Variants in WNT6 observed in about 807,000 individuals in gnomAD.
WNT6 encodes protein Wnt-6.
A neutral mutation model predicts 33.1 loss-of-function variants in WNT6; 27 were observed. That is an observed-to-expected ratio of 0.82 (90% CI 0.60 to 1.12). WNT6 has a LOEUF of 1.12. WNT6 is among the 50% of genes most tolerant of loss of function. WNT6 has a pLI of 0.00. For synonymous variants in WNT6, 249 were observed against 242.8 expected (o/e 1.03, Z -0.24); for missense variants, 494 against 535.3 (o/e 0.92, Z 0.76).
intron 1 of WNT6, among the ~76,000 whole-genome samples, chr2:218,865,115 A>G (rs901426103): frequency 1.3e-5 from 2 of 152,218 alleles, no homozygotes; most frequent in Non-Finnish European, 2.9e-5. Context: ...TTCTCATCAG[A>G]AGCCAGGAGT....
At chr2:218,864,010 C>G (rs1228859985) in intron 1 of WNT6, among the ~76,000 whole-genome samples, 1 of 152,220 alleles carries the variant, frequency 6.6e-6, no homozygotes, top group Non-Finnish European at 1.5e-5. Context: ...GTCATCCAGC[C>G]TATCCTGTGG....
intron 3 of WNT6, among the ~76,000 whole-genome samples, chr2:218,872,261 G>T (rs1391267830): frequency 6.6e-6 from 1 of 152,164 alleles, no homozygotes; most frequent in Non-Finnish European, 1.5e-5. Context: ...CAAGGTCTGG[G>T]GTTTTGGTAC....
Position 218,864,672 on chromosome 2 carries a change from C to T in WNT6, c.80+4555C>T, listed in dbSNP as rs560994170. Among the ~76,000 whole-genome samples the T allele has an allele frequency of 3.9e-4, 60 of 152,308 alleles. 2 individuals carry two copies. The South Asian group carries it at 0.012, about 32-fold the overall frequency. On this transcript the variant is annotated intron_variant, in intron 1 of 3. Transcript: ENST00000233948. The stretch of plus-strand genomic sequence containing the variant: ...CCCATCCCATCTTGTCTTTCACCCA[C>T]CCCCCTCCTGGAAAAGGAAACAAGA...
At position 218,874,227 on chromosome 2, in the gene WNT6, A is replaced by C; in HGVS notation, c.*382A>C. The C allele has an allele frequency of 5.0e-6, 1 of 200,520 alleles. No individual in the cohort carries two copies. The highest frequency in any genetic ancestry group is 9.9e-6 in the Non-Finnish European group (1 of 100,972). 12.4% of individuals were successfully genotyped at this position (200,520 alleles called of 1,614,324 possible). On this transcript the variant is annotated 3_prime_UTR_variant, in exon 4 of 4. Coordinates refer to ENST00000233948, the MANE Select transcript of WNT6 (RefSeq NM_006522.4). Reference sequence around the variant, plus strand: ...GGTTAGTATCAATAAAGATATTTAAACCACCAGGGCTGGACCCACAGTTTT... The same window carrying C: ...GGTTAGTATCAATAAAGATATTTAACCCACCAGGGCTGGACCCACAGTTTT...
rs780086956 is a variant in WNT6, at chr2:218,873,482, G to A, written c.735G>A (p.Glu245=). 1 of 1,539,042 alleles carries A rather than the reference G, an allele frequency of 6.5e-7. No individual in the cohort carries two copies. Among genetic ancestry groups the A allele is most frequent in the South Asian group, 1.2e-5 (1 of 84,030 alleles). The part of the protein sequence containing the change: ...TCWQKLPPFR[E]VGARLLERFH... The stretch of plus-strand genomic sequence containing the variant: ...GGCAGAAGCTGCCTCCATTTCGCGA[G>A]GTGGGCGCGCGGCTGCTGGAGCGCT... Residue 245 remains glutamate, a synonymous_variant, in exon 4 of 4, where the codon GAG becomes GAA. Transcript: ENST00000233948. The surrounding 1 kb of genome is among the most constrained non-coding windows in gnomAD (Gnocchi z 6.1).
In WNT6 at chr2:218,868,104, T is replaced by A. The variant is rs536203087; in HGVS notation, c.81-2923T>A. ...GGTCCCTTGGGATTCTAGCTGCTAC[T>A]ACTGCCCATCCCTCCCCCTGACCAG... On this transcript the variant is annotated intron_variant, in intron 1 of 3. Coordinates refer to ENST00000233948, the MANE Select transcript of WNT6 (RefSeq NM_006522.4). Among the ~76,000 whole-genome samples, 3 of 152,190 alleles carry A rather than the reference T, an allele frequency of 2.0e-5. No homozygotes were observed. In the South Asian group the frequency reaches 6.2e-4, roughly 32 times the overall value.
intron 1 of WNT6, among the ~76,000 whole-genome samples, chr2:218,864,409 G>C (rs1944335852): frequency 6.6e-6 from 1 of 152,044 alleles, no homozygotes; most frequent in Non-Finnish European, 1.5e-5. Context: ...ACAGGTGCCT[G>C]GCACCATGCC....
chr2:218,867,353 C>T lies in WNT6; in HGVS notation c.81-3674C>T, dbSNP rs1944362004. On this transcript the variant is annotated intron_variant, in intron 1 of 3. Transcript: ENST00000233948. The surrounding 1 kb of genome is among the most constrained non-coding windows in gnomAD (Gnocchi z 4.9). ...GTGATCTCTGACATTGTTCTTGGCC[C>T]TCTGACTCAAGAGATGGAAAGGTAG... 6.6e-6 allele frequency among the ~76,000 whole-genome samples: 1 copy of T among 152,152 alleles called. No individual in the cohort carries two copies. The highest frequency in any genetic ancestry group is 2.4e-5 in the African/African-American group (1 of 41,410).
Position 218,871,691 on chromosome 2 carries a change from G to C in WNT6, c.508G>C (p.Gly170Arg), listed in dbSNP as rs746914545. 9.5e-6 allele frequency: 15 copies of C among 1,577,616 alleles called. No individual in the cohort carries two copies. Among genetic ancestry groups the C allele is most frequent in the Non-Finnish European group, 1.3e-5 (15 of 1,163,222 alleles). ...GGAAGGCAGCGCCGCCTGGGAGTGG[G>C]GAGGCTGCGGCGACGACGTGGACTT... ...SPEGSAAWEW[G>R]GCGDDVDFGD... Residue 170 changes from glycine to arginine, a missense_variant, in exon 3 of 4, where the codon GGA becomes CGA. Coordinates refer to ENST00000233948, the MANE Select transcript of WNT6 (RefSeq NM_006522.4). The surrounding 1 kb of genome is among the most constrained non-coding windows in gnomAD (Gnocchi z 6.4).
chr2:218,868,715 A>G (rs966717588), intron 1 of WNT6, among the ~76,000 whole-genome samples: 22 of 152,200 alleles, frequency 1.4e-4, no homozygotes, highest in African/African-American at 5.1e-4. Context: ...TCAAAACCAC[A>G]TATTAGATGG....
At position 218,866,890 on chromosome 2, in the gene WNT6, A is replaced by G. The variant is rs1310233499; in HGVS notation, c.81-4137A>G. Among the ~76,000 whole-genome samples, 3 of 152,208 alleles carry G rather than the reference A, an allele frequency of 2.0e-5. No individual in the cohort carries two copies. In the East Asian group the frequency reaches 5.8e-4, roughly 29 times the overall value. On this transcript the variant is annotated intron_variant, in intron 1 of 3. Transcript: ENST00000233948. Reference sequence around the variant, plus strand: ...AGAAAGATAAGACAAGCAAACATGAAAAATTAATTATACCACTGGCAGGAT... The same window carrying G: ...AGAAAGATAAGACAAGCAAACATGAGAAATTAATTATACCACTGGCAGGAT...
In WNT6 at chr2:218,871,769, G is replaced by A. The variant is rs1208178990; in HGVS notation, c.586G>A (p.Gly196Arg). 1 of 1,601,900 alleles carries A rather than the reference G, an allele frequency of 6.2e-7. No homozygotes were observed. The highest frequency in any genetic ancestry group is 8.5e-7 in the Non-Finnish European group (1 of 1,175,292). ...FMDARHKRGR[G>R]DIRALVQLHN... is the part of the protein sequence containing the mutation. ...GGACGCGCGGCACAAGCGGGGACGC[G>A]GAGACATCCGCGCGTTGGTGCAACT... The change falls in exon 3 of 4, where the codon GGA becomes AGA. Residue 196 changes from glycine to arginine, a missense_variant. Transcript: ENST00000233948. The surrounding 1 kb of genome is among the most constrained non-coding windows in gnomAD (Gnocchi z 6.4).
rs866640833 is a variant in WNT6, at chr2:218,867,006, G to A, written c.81-4021G>A. Among the ~76,000 whole-genome samples the A allele has an allele frequency of 3.3e-5, 5 of 152,168 alleles. No individual in the cohort carries two copies. ...CCCAGGGAGGCTCCTTAGGGCAAGT[G>A]GGATCTGAGGTGAGTTTGGAGAGAT... On this transcript the variant is annotated intron_variant, in intron 1 of 3. Transcript: ENST00000233948. The surrounding 1 kb of genome is among the most constrained non-coding windows in gnomAD (Gnocchi z 4.9).
chr2:218,869,165 A>G (rs1472400041), intron 1 of WNT6, among the ~76,000 whole-genome samples: 1 of 152,072 alleles, frequency 6.6e-6, no homozygotes, highest in Non-Finnish European at 1.5e-5. Flanking sequence ...GAGACATCTG[A>G]TTCCTGAGCT....
intron 1 of WNT6, among the ~76,000 whole-genome samples, chr2:218,860,916 G>A (rs956931343): frequency 6.6e-6 from 1 of 152,042 alleles, no homozygotes; most frequent in Non-Finnish European, 1.5e-5. Context: ...CGGGGAAGGA[G>A]GGTGCCCGAC....
chr2:218,869,480 A>G (rs1944381423), intron 1 of WNT6, among the ~76,000 whole-genome samples: 1 of 152,146 alleles, frequency 6.6e-6, no homozygotes, highest in Admixed American at 6.5e-5. Flanking sequence ...GATATGCACT[A>G]AAGCAAAACT....
rs894739463 is a variant in WNT6 at position 218,871,518 on chromosome 2, C to T, written c.335C>T (p.Thr112Ile). The T allele has an allele frequency of 1.9e-6, 3 of 1,597,560 alleles. No homozygotes were observed. The highest frequency in any genetic ancestry group is 2.5e-6 in the Non-Finnish European group (3 of 1,179,374). Residue 112 changes from threonine to isoleucine, a missense_variant, in exon 3 of 4, where the codon ACT becomes ATT. Physicochemically the swap from Thr to Ile is moderately conservative, Grantham distance 89. Coordinates refer to ENST00000233948, the MANE Select transcript of WNT6 (RefSeq NM_006522.4). The surrounding 1 kb of genome is among the most constrained non-coding windows in gnomAD (Gnocchi z 6.4). ...GAGACGGCCTTCGTGTTCGCCATCACTGCGGCCGGCGCCAGCCACGCCGTC... is the reference window on the plus strand; with the variant it reads ...GAGACGGCCTTCGTGTTCGCCATCATTGCGGCCGGCGCCAGCCACGCCGTC... ...IRETAFVFAI[T>I]AAGASHAVTQ... is the part of the protein sequence containing the mutation.
intron 1 of WNT6, among the ~76,000 whole-genome samples, chr2:218,861,334 T>C (rs1256637768): frequency 6.6e-6 from 1 of 152,240 alleles, no homozygotes; most frequent in East Asian, 1.9e-4. Flanking sequence ...CTTAGTATAA[T>C]GCAGTGGCAG....
chr2:218,864,165 C>T (rs1326910490), intron 1 of WNT6, among the ~76,000 whole-genome samples: 1 of 152,222 alleles, frequency 6.6e-6, no homozygotes, highest in Non-Finnish European at 1.5e-5. Context: ...ATTTATACCT[C>T]CAATCGGTGG....
Sources: gnomAD v4.1 joint callset for allele counts (sites outside exome capture counted in the v4.1 genomes callset) on GRCh38, gnomAD v4.1.1 for gene constraint, Gnocchi (gnomAD v3.1) non-coding constraint, MANE v1.5 for transcripts, NCBI Gene and HGNC (gene_info 2026-07-23, HGNC 2026-07-21) for gene names.